The following MAGI2 variants were observed in gnomAD, a reference collection of about 807,000 sequenced individuals.
The protein encoded by MAGI2 is membrane-associated guanylate kinase, WW and PDZ domain-containing protein 2.
MAGI2 carries 35 observed loss-of-function variants against 133.3 expected under a neutral mutation model. The observed-to-expected ratio is 0.26, with a 90% CI of 0.20 to 0.35. The LOEUF is 0.35. MAGI2 is among the 10% of genes least tolerant of loss of function. The pLI is 1.00. For synonymous variants in MAGI2, 729 were observed against 710.6 expected (o/e 1.03, Z -0.41); for missense variants, 1,636 against 1,863.4 (o/e 0.88, Z 2.25).
chr7:78,509,114 G>C (rs1384253510), intron 4 of MAGI2, among the ~76,000 whole-genome samples: 2 of 150,964 alleles, frequency 1.3e-5, no homozygotes, highest in Non-Finnish European at 2.9e-5. Context: ...CTTAGATGTC[G>C]TTCAAACCAG....
intron 1 of MAGI2, among the ~76,000 whole-genome samples, chr7:79,050,530 G>C (rs1167344982): frequency 6.6e-6 from 1 of 152,144 alleles, no homozygotes; most frequent in African/African-American, 2.4e-5. Flanking sequence ...GTGCAGGTGA[G>C]TGCCACCATG....
intron 10 of MAGI2, among the ~76,000 whole-genome samples, chr7:78,205,416 G>A (rs1256296417): frequency 6.6e-6 from 1 of 152,206 alleles, no homozygotes; most frequent in Non-Finnish European, 1.5e-5. Flanking sequence ...ACAGATGTGA[G>A]CCACTGCGCC....
At chr7:78,450,075 T>A (rs943444558) in intron 6 of MAGI2, among the ~76,000 whole-genome samples, 12 of 152,156 alleles carry the variant, frequency 7.9e-5, no homozygotes, top group Admixed American at 2.6e-4. Context: ...ATTTTTTTTT[T>A]AAAATGTGAG....
At chr7:79,050,344 T>G (rs1402110607) in intron 1 of MAGI2, among the ~76,000 whole-genome samples, 1 of 152,164 alleles carries the variant, frequency 6.6e-6, no homozygotes, top group Non-Finnish European at 1.5e-5. Context: ...TGTGGCCTCT[T>G]TAATGTCACA....
At chr7:78,594,257 C>T (rs140270490) in intron 3 of MAGI2, among the ~76,000 whole-genome samples, 2 of 152,290 alleles carry the variant, frequency 1.3e-5, no homozygotes, top group African/African-American at 4.8e-5. Flanking sequence ...AATTCCTATT[C>T]TCTGCTACTG....
At chr7:78,596,246 G>T (rs1414589623) in intron 3 of MAGI2, among the ~76,000 whole-genome samples, 6 of 151,678 alleles carry the variant, frequency 4.0e-5, no homozygotes, top group Non-Finnish European at 8.8e-5. Context: ...GAAAGGAAAG[G>T]TGAAAGGGAG....
At chr7:78,049,989 A>G (rs989513508) in intron 21 of MAGI2, among the ~76,000 whole-genome samples, 5 of 152,326 alleles carry the variant, frequency 3.3e-5, no homozygotes, top group African/African-American at 7.2e-5. Flanking sequence ...CCTTTGGCCT[A>G]TGAAATATGC....
intron 2 of MAGI2, among the ~76,000 whole-genome samples, chr7:78,656,761 A>G (rs769529543): frequency 6.6e-6 from 1 of 152,136 alleles, no homozygotes; most frequent in Non-Finnish European, 1.5e-5. Flanking sequence ...AAAAATAATC[A>G]CGTTTTACAT....
intron 1 of MAGI2, among the ~76,000 whole-genome samples, chr7:79,269,342 A>G (rs540324423): frequency 6.6e-6 from 1 of 152,190 alleles, no homozygotes; most frequent in Non-Finnish European, 1.5e-5. Flanking sequence ...AGTCTCATAT[A>G]GCTGCTTATT....
chr7:78,088,269 T>C (rs1345531993), intron 20 of MAGI2, among the ~76,000 whole-genome samples: 1 of 152,246 alleles, frequency 6.6e-6, no homozygotes, highest in Non-Finnish European at 1.5e-5. Context: ...AACAATTCCT[T>C]GTTTTCCTGA....
chr7:78,573,289 T>C (rs1238332513), intron 3 of MAGI2, among the ~76,000 whole-genome samples: 1 of 57,522 alleles, frequency 1.7e-5, no homozygotes, highest in South Asian at 5.6e-4. Flanking sequence ...TATATTTATA[T>C]AAATATATAT....
At chr7:78,067,005 G>A (rs879767990) in intron 21 of MAGI2, among the ~76,000 whole-genome samples, 5 of 152,232 alleles carry the variant, frequency 3.3e-5, no homozygotes, top group Non-Finnish European at 7.3e-5. Context: ...CACATGGGGT[G>A]TTTTTCATAG....
At chr7:79,417,429 A>G (rs1396128756) in intron 1 of MAGI2, among the ~76,000 whole-genome samples, 1 of 152,128 alleles carries the variant, frequency 6.6e-6, no homozygotes, top group East Asian at 1.9e-4. Flanking sequence ...CATATCTTGA[A>G]TATCATATCT....
chr7:78,042,813 T>C (rs779778917), intron 21 of MAGI2, among the ~76,000 whole-genome samples: 4 of 152,214 alleles, frequency 2.6e-5, no homozygotes, highest in Non-Finnish European at 5.9e-5. Flanking sequence ...AAATAAGCTT[T>C]ATCTAGATTT....
chr7:78,964,275 A>C (rs1264602038), intron 2 of MAGI2, among the ~76,000 whole-genome samples: 1 of 152,022 alleles, frequency 6.6e-6, no homozygotes, highest in Non-Finnish European at 1.5e-5. Flanking sequence ...ATTTTTCCAT[A>C]AACATTTTAA....
rs1023376098 is a variant in MAGI2 at position 78,551,678 on chromosome 7, A to G, written c.539-30033T>C. On this transcript the variant is annotated intron_variant, in intron 3 of 21. Coordinates refer to ENST00000354212, the MANE Select transcript of MAGI2 (RefSeq NM_012301.4). ...CTTCTCATCCAGCTGTTGTGCTTGA[A>G]TTATACGAAAGTTTAAAATAAATTC... Among the ~76,000 whole-genome samples the G allele has an allele frequency of 5.9e-5, 9 of 152,344 alleles. No homozygotes were observed. The East Asian group carries it at 1.3e-3, about 23-fold the overall frequency.
intron 1 of MAGI2, among the ~76,000 whole-genome samples, chr7:79,058,303 T>C (rs1200365194): frequency 6.6e-6 from 1 of 152,158 alleles, no homozygotes; most frequent in Non-Finnish European, 1.5e-5. Context: ...ACTTTAACCA[T>C]GAATCTTATG....
At chr7:78,172,753 A>C (rs3807676) in intron 14 of MAGI2, among the ~76,000 whole-genome samples, 17,936 of 152,140 alleles carry the variant, frequency 0.12, 1,326 homozygotes, top group Non-Finnish European at 0.15. Context: ...GGACCAAATC[A>C]CCTTACATGC....
At chr7:78,051,842 C>G (rs1003494182) in intron 21 of MAGI2, among the ~76,000 whole-genome samples, 1 of 151,082 alleles carries the variant, frequency 6.6e-6, no homozygotes. Flanking sequence ...GCCTTGACCT[C>G]CCATTGTGCT....
Sources: allele counts gnomAD v4.1 joint callset (sites outside exome capture counted in the v4.1 genomes callset), GRCh38; gene constraint gnomAD v4.1.1; transcripts MANE v1.5; gene names NCBI Gene and HGNC (gene_info 2026-07-23, HGNC 2026-07-21).